ADK: variants seen among roughly 807,000 people sequenced by gnomAD.
ADK encodes the protein N6,N6-dimethyladenosine kinase.
A neutral mutation model predicts 44.7 loss-of-function variants in ADK; 24 were observed. The ratio of observed to expected loss-of-function variants is 0.54; its 90% CI spans 0.39 to 0.76. The LOEUF (loss-of-function observed/expected upper bound fraction) is 0.76. Ranked by LOEUF, ADK falls within the 30% of genes least tolerant of loss-of-function variation. ADK has a pLI of 0.00. For missense variants in ADK, 321 were observed against 425.1 expected (o/e 0.76, Z 2.15); for synonymous variants, 128 against 142.6 (o/e 0.90, Z 0.73).
chr10:74,617,622 G>A (rs1243927841), intron 9 of ADK, among the ~76,000 whole-genome samples: 1 of 151,920 alleles, frequency 6.6e-6, no homozygotes, highest in Non-Finnish European at 1.5e-5. Context: ...TTGAGAGAGG[G>A]TCTCGTCTTG....
chr10:74,612,709 A>C (rs569865130), intron 9 of ADK, among the ~76,000 whole-genome samples: 1 of 152,226 alleles, frequency 6.6e-6, no homozygotes, highest in South Asian at 2.1e-4. Context: ...GCCTAGGCCT[A>C]TGTGCAGAAT....
intron 4 of ADK, among the ~76,000 whole-genome samples, chr10:74,376,161 C>T (rs1356685164): frequency 6.6e-6 from 1 of 152,058 alleles, no homozygotes; most frequent in Admixed American, 6.6e-5. Flanking sequence ...ACAAATAATA[C>T]ATTTTAATAC....
chr10:74,429,996 C>T (rs918462170), intron 6 of ADK, among the ~76,000 whole-genome samples: 1 of 152,090 alleles, frequency 6.6e-6, no homozygotes, highest in Admixed American at 6.5e-5. Context: ...ATTCCTTTAC[C>T]TCAAACAACC....
intron 9 of ADK, among the ~76,000 whole-genome samples, chr10:74,637,996 G>T (rs1853676811): frequency 1.3e-5 from 2 of 152,166 alleles, no homozygotes; most frequent in African/African-American, 4.8e-5. Context: ...CAAAGGAAAT[G>T]ACTTTCATCT....
intron 2 of ADK, 28 bp downstream of exon 2, chr10:74,200,866 A>G (rs1374512993): frequency 7.2e-7 from 1 of 1,380,108 alleles, no homozygotes; most frequent in South Asian, 1.2e-5. Flanking sequence ...CATATGCACT[A>G]TGTGGAACTT....
intron 9 of ADK, chr10:74,655,832 G>T: frequency 1.9e-6 from 1 of 525,786 alleles, no homozygotes. Flanking sequence ...ACAGAGAGGT[G>T]GTACTCATCA....
At chr10:74,487,801 A>AT (rs1847318429) in intron 6 of ADK, among the ~76,000 whole-genome samples, 1 of 152,058 alleles carries the variant, frequency 6.6e-6, no homozygotes, top group African/African-American at 2.4e-5. Flanking sequence ...AATAAGGGAA[A>AT]TGCCAATAGA....
chr10:74,230,597 C>G (rs1844722775), intron 3 of ADK, among the ~76,000 whole-genome samples: 1 of 151,620 alleles, frequency 6.6e-6, no homozygotes, highest in Admixed American at 6.6e-5. Context: ...TCAGGTTGGT[C>G]TCAAACTCCT....
intron 6 of ADK, among the ~76,000 whole-genome samples, chr10:74,475,971 A>G (rs1846820847): frequency 6.6e-6 from 1 of 152,182 alleles, no homozygotes; most frequent in Non-Finnish European, 1.5e-5. Flanking sequence ...TAACTCATGT[A>G]TACATAGACA....
chr10:74,453,970 A>C (rs546819748), intron 6 of ADK, among the ~76,000 whole-genome samples: 1 of 152,290 alleles, frequency 6.6e-6, no homozygotes, highest in Admixed American at 6.5e-5. Context: ...TCTAAATTGC[A>C]GTTTCATTAA....
intron 6 of ADK, among the ~76,000 whole-genome samples, chr10:74,478,794 C>T (rs1425933829): frequency 6.6e-6 from 1 of 152,162 alleles, no homozygotes; most frequent in African/African-American, 2.4e-5. Context: ...TTAATAAGGT[C>T]AGAATTCATG....
rs758116736 is a variant in ADK, at chr10:74,297,122, A to G, written c.195-17545A>G. ...AGCTCCAGGAAAGTTTTTTTGCAGA[A>G]ATACACATTTTATTAAACGAGTTTG... On this transcript the variant is annotated intron_variant, in intron 3 of 10. Coordinates refer to ENST00000539909, the MANE Select transcript of ADK (RefSeq NM_006721.4). Among the ~76,000 whole-genome samples, 6 of 152,192 alleles carry G rather than the reference A, an allele frequency of 3.9e-5. No homozygotes were observed. In the South Asian group the frequency reaches 1.2e-3, roughly 31 times the overall value.
intron 1 of ADK, among the ~76,000 whole-genome samples, chr10:74,192,048 C>T (rs946115969): frequency 4.6e-5 from 7 of 152,126 alleles, no homozygotes; most frequent in African/African-American, 1.7e-4. Flanking sequence ...CCCGTAGATA[C>T]GGCTTTTTTC....
chr10:74,256,334 G>A (rs974338473), intron 3 of ADK, among the ~76,000 whole-genome samples: 4 of 152,072 alleles, frequency 2.6e-5, no homozygotes, highest in Non-Finnish European at 5.9e-5. Context: ...ACATTATCCT[G>A]GTTATATGTT....
At chr10:74,534,547 A>C (rs1204279151) in intron 7 of ADK, among the ~76,000 whole-genome samples, 1 of 152,202 alleles carries the variant, frequency 6.6e-6, no homozygotes, top group African/African-American at 2.4e-5. Context: ...CCTACCATTG[A>C]ATAATGCTTT....
intron 2 of ADK, among the ~76,000 whole-genome samples, chr10:74,207,897 G>T (rs1285414767): frequency 6.6e-6 from 1 of 152,112 alleles, no homozygotes; most frequent in Admixed American, 6.5e-5. Flanking sequence ...TGTCCACAGT[G>T]TGCAGGCTGT....
intron 4 of ADK, among the ~76,000 whole-genome samples, chr10:74,390,098 A>T (rs1040260920): frequency 1.1e-4 from 16 of 152,100 alleles, no homozygotes; most frequent in Non-Finnish European, 1.5e-5. Flanking sequence ...GACATGGTTG[A>T]TCATTTAATC....
intron 9 of ADK, among the ~76,000 whole-genome samples, chr10:74,631,105 A>C (rs1853400830): frequency 6.6e-6 from 1 of 151,986 alleles, no homozygotes; most frequent in African/African-American, 2.4e-5. Flanking sequence ...CAAGATCTCC[A>C]GGTTCAGCTT....
chr10:74,346,893 G>A (rs1043767684), intron 4 of ADK, among the ~76,000 whole-genome samples: 3 of 151,892 alleles, frequency 2.0e-5, no homozygotes, highest in Non-Finnish European at 4.4e-5. Context: ...GGTGGATCAC[G>A]AGGTCAGGAG....
Sources: gnomAD v4.1 joint callset for allele counts (sites outside exome capture counted in the v4.1 genomes callset) on GRCh38, gnomAD v4.1.1 for gene constraint, MANE v1.5 for transcripts, NCBI Gene and HGNC (gene_info 2026-07-23, HGNC 2026-07-21) for gene names.